LRPPRC: variants seen among roughly 807,000 people sequenced by gnomAD.
LRPPRC encodes leucine-rich PPR motif-containing protein, mitochondrial.
In LRPPRC, 120 loss-of-function variants were observed where a neutral mutation model predicts 180.3. The observed-to-expected ratio is 0.67, with a 90% CI of 0.57 to 0.77. The LOEUF (loss-of-function observed/expected upper bound fraction) is 0.77, where lower values mean the gene tolerates loss of function less well. Among genes scored for constraint, LRPPRC ranks in the 30% least tolerant of loss-of-function variants. The pLI is 0.00. For missense variants in LRPPRC, 2,012 were observed against 1,657.2 expected (o/e 1.21, Z -3.72); for synonymous variants, 723 against 600.0 (o/e 1.21, Z -3.00).
At chr2:43,966,355 A>G (rs1673557575) in intron 11 of LRPPRC, among the ~76,000 whole-genome samples, 2 of 152,000 alleles carry the variant, frequency 1.3e-5, no homozygotes, top group South Asian at 2.1e-4. Flanking sequence ...TTCTGGACAC[A>G]ATGTACAGAA....
intron 1 of LRPPRC, 79 bp from the exon 2 acceptor site, chr2:43,982,513 T>A: frequency 9.4e-7 from 1 of 1,060,972 alleles, no homozygotes. Flanking sequence ...AAACAAATTT[T>A]AAAATTAGTT....
rs778796035 is a variant in LRPPRC, at chr2:43,982,267, T to C, written c.317A>G (p.Gln106Arg). 158 of 1,573,796 alleles carry C rather than the reference T, an allele frequency of 1.0e-4. No homozygotes were observed. Among genetic ancestry groups the C allele is most frequent in the Non-Finnish European group, 1.2e-4 (143 of 1,164,294 alleles). Residue 106 changes from glutamine to arginine, a missense_variant, in exon 2 of 38, where the codon CAA (glutamine) becomes CGA (arginine). Coordinates refer to ENST00000260665, the MANE Select transcript of LRPPRC (RefSeq NM_133259.4). Reference protein sequence around the residue: ...RTGRIPKKLLQKVFNDTCRSG... With the variant: ...RTGRIPKKLLRKVFNDTCRSG... ...GCGGCAGGTATCATTAAAAACTTTT[T>C]GTAGAAGCTTCTTTGGAATGCGGCC...
chr2:43,930,043 C>T (rs769177965), intron 25 of LRPPRC, among the ~76,000 whole-genome samples: 61 of 152,076 alleles, frequency 4.0e-4, no homozygotes, highest in Admixed American at 9.2e-4. Context: ...TTAAGGAAGG[C>T]AAATGGGATA....
At chr2:43,991,702 G>A (rs1402279279) in intron 1 of LRPPRC, among the ~76,000 whole-genome samples, 1 of 152,176 alleles carries the variant, frequency 6.6e-6, no homozygotes, top group Non-Finnish European at 1.5e-5. Flanking sequence ...GTACTGAGAT[G>A]GGAAAATGAA....
chr2:43,888,508 A>G lies in LRPPRC; in HGVS notation c.*92T>C, dbSNP rs1670351339. 1.2e-6 allele frequency: 1 copy of G among 832,874 alleles called. No individual in the cohort carries two copies. Among genetic ancestry groups the G allele is most frequent in the African/African-American group, 1.7e-5 (1 of 59,774 alleles). The allele number at this position is 832,874 out of a possible 1,614,324, so 51.6% of individuals were successfully genotyped here. ...ACACATACATAAGTACATAAAGAAA[A>G]TTTTCATTTATTTTTCCCTCAGATA... On this transcript the variant is annotated 3_prime_UTR_variant, in exon 38 of 38. Transcript: ENST00000260665.
chr2:43,893,706 C>T (rs1417909929), intron 36 of LRPPRC, among the ~76,000 whole-genome samples: 7 of 152,084 alleles, frequency 4.6e-5, no homozygotes, highest in Non-Finnish European at 1.0e-4. Context: ...GGTCTGGAAC[C>T]ATATCTTCCA....
intron 1 of LRPPRC, among the ~76,000 whole-genome samples, chr2:43,989,447 A>T (rs980630508): frequency 6.6e-6 from 1 of 152,308 alleles, no homozygotes; most frequent in East Asian, 1.9e-4. Context: ...AGTAATGCAA[A>T]GTCAGTTAAC....
intron 34 of LRPPRC, 27 bp from the exon 35 acceptor site, chr2:43,896,735 G>A (rs756300807): frequency 2.2e-6 from 3 of 1,370,950 alleles, no homozygotes; most frequent in South Asian, 1.2e-5. Flanking sequence ...TATTCAGTAA[G>A]TGAAGGTTTC....
At chr2:43,939,083 T>C (rs192596395) in intron 23 of LRPPRC, among the ~76,000 whole-genome samples, 2,301 of 143,950 alleles carry the variant, frequency 0.016, 33 homozygotes, top group Non-Finnish European at 0.025. Flanking sequence ...CCATCCTGGC[T>C]AACATGGTGA....
intron 27 of LRPPRC, among the ~76,000 whole-genome samples, chr2:43,923,777 A>G: frequency 6.6e-6 from 1 of 151,700 alleles, no homozygotes; most frequent in Non-Finnish European, 1.5e-5. Flanking sequence ...AGACATATTT[A>G]GACATATAGT....
intron 30 of LRPPRC, among the ~76,000 whole-genome samples, chr2:43,911,523 C>T (rs7562153): frequency 0.34 from 31,324 of 93,200 alleles, 6,587 homozygotes; most frequent in East Asian, 0.94. Context: ...TCTTCTTCTT[C>T]TTTTTTTTTT....
intron 1 of LRPPRC, among the ~76,000 whole-genome samples, chr2:43,994,267 G>C (rs1343226297): frequency 2.0e-5 from 3 of 152,174 alleles, no homozygotes; most frequent in Non-Finnish European, 4.4e-5. Flanking sequence ...CAAATTACAA[G>C]TACGCTCCAT....
intron 2 of LRPPRC, among the ~76,000 whole-genome samples, chr2:43,981,774 A>G (rs1014302020): frequency 1.3e-5 from 2 of 152,212 alleles, no homozygotes; most frequent in African/African-American, 2.4e-5. Context: ...AACAAAGAAA[A>G]TTAAAGTATC....
At position 43,889,776 on chromosome 2, in the gene LRPPRC, C is replaced by G. The variant is rs1406336645; in HGVS notation, c.4086G>C (p.Leu1362Phe). 3 of 1,613,128 alleles carry G rather than the reference C, an allele frequency of 1.9e-6. No homozygotes were observed. The highest frequency in any genetic ancestry group is 1.7e-5 in the Admixed American group (1 of 60,028). ...DDLFLKRYAS[L>F]LKYAGEPVPF... ...GGACAGGCTCTCCAGCATACTTCAG[C>G]AAAGATGCGTAACGCTTTAGAAACA... is the stretch of plus-strand genomic sequence containing the variant. The change falls in exon 37 of 38, where the codon TTG (leucine) becomes TTC (phenylalanine). Residue 1362 changes from leucine (L) to phenylalanine (F), a missense_variant. Leu to Phe is a conservative substitution (Grantham distance 22). Coordinates refer to ENST00000260665, the MANE Select transcript of LRPPRC (RefSeq NM_133259.4).
chr2:43,972,279 G>C (rs1673855432), intron 11 of LRPPRC, among the ~76,000 whole-genome samples: 1 of 152,080 alleles, frequency 6.6e-6, no homozygotes, highest in Admixed American at 6.5e-5. Context: ...TAAATTCTGA[G>C]ATTCTAAGAC....
At chr2:43,922,497 T>C (rs939578156) in intron 27 of LRPPRC, among the ~76,000 whole-genome samples, 1 of 152,094 alleles carries the variant, frequency 6.6e-6, no homozygotes, top group African/African-American at 2.4e-5. Context: ...CAATGCAAAA[T>C]ATGGATTTTT....
intron 11 of LRPPRC, among the ~76,000 whole-genome samples, chr2:43,967,525 T>C (rs1285157212): frequency 6.6e-6 from 1 of 152,126 alleles, no homozygotes; most frequent in African/African-American, 2.4e-5. Flanking sequence ...TTTTTCAAGA[T>C]GTAAAAATAA....
chr2:43,896,349 G>A (rs1188878528), intron 35 of LRPPRC: 5 of 313,212 alleles, frequency 1.6e-5, no homozygotes, highest in African/African-American at 9.0e-5. Context: ...GGGATTACAG[G>A]TGTGAGCCAC....
Position 43,963,736 on chromosome 2 carries a change from T to C in LRPPRC, c.1370-30A>G, listed in dbSNP as rs756446055. ...CAAATAAAATGTAGAAGCACAGAGA[T>C]AGAGAACTTAGAATAAAGTAAGAAA... On this transcript the variant is annotated intron_variant, in intron 11 of 37. Coordinates refer to ENST00000260665, the MANE Select transcript of LRPPRC (RefSeq NM_133259.4). The C allele has an allele frequency of 1.5e-5, 17 of 1,102,472 alleles. No individual in the cohort carries two copies. In the Admixed American group the frequency reaches 1.7e-4, roughly 11 times the overall value. 68.3% of individuals were successfully genotyped at this position (1,102,472 alleles called of 1,614,324 possible). A position where few individuals can be genotyped will look rare whatever the true frequency, so the allele number is the denominator to read the frequency against.
Sources: gnomAD v4.1 joint callset for allele counts (sites outside exome capture counted in the v4.1 genomes callset) on GRCh38, gnomAD v4.1.1 for gene constraint, MANE v1.5 for transcripts, NCBI Gene and HGNC (gene_info 2026-07-23, HGNC 2026-07-21) for gene names.